Variants in COG5 observed in about 807,000 individuals in gnomAD.
COG5 encodes the protein conserved oligomeric Golgi complex subunit 5.
Under a neutral mutation model 110.4 loss-of-function variants are expected in COG5, and 86 were observed. The ratio of observed to expected loss-of-function variants is 0.78; its 90% CI spans 0.65 to 0.93. The LOEUF (loss-of-function observed/expected upper bound fraction) is 0.93, where lower values mean the gene tolerates loss of function less well. Ranked by LOEUF, COG5 falls within the 40% of genes least tolerant of loss-of-function variation. The probability of loss-of-function intolerance (pLI) is 0.00; values close to 1 mark genes in which losing one functional copy is unlikely to be tolerated. For missense variants in COG5, 1,077 were observed against 987.0 expected (o/e 1.09, Z -1.22); for synonymous variants, 360 against 334.6 (o/e 1.08, Z -0.83).
intron 21 of COG5, 24 bp downstream of exon 21, chr7:107,210,502 T>A: frequency 6.3e-7 from 1 of 1,577,750 alleles, no homozygotes; most frequent in South Asian, 1.2e-5. Flanking sequence ...ACCAGATGGG[T>A]GCCCCCAGAG....
At chr7:107,218,869 T>C (rs1799705049) in intron 19 of COG5, among the ~76,000 whole-genome samples, 1 of 151,964 alleles carries the variant, frequency 6.6e-6, no homozygotes. Flanking sequence ...CAAATGGGAT[T>C]ACATTAAAGT....
Position 107,271,648 on chromosome 7 carries a change from G to C in COG5, c.1575+9652C>G, listed in dbSNP as rs150950988. Among the ~76,000 whole-genome samples the C allele has an allele frequency of 1.6e-3, 245 of 152,096 alleles. 1 individual carries two copies. The highest frequency in any genetic ancestry group is 5.5e-3 in the African/African-American group (229 of 41,508). On this transcript the variant is annotated intron_variant, in intron 14 of 21. Coordinates refer to ENST00000297135, the MANE Select transcript of COG5 (RefSeq NM_006348.5). ...AATAGTTGGTTTTCAGTGATACCTT[G>C]TATACAATGATTTTACTAAAAATCA...
chr7:107,246,340 C>T (rs1802056049), intron 17 of COG5, among the ~76,000 whole-genome samples: 1 of 152,114 alleles, frequency 6.6e-6, no homozygotes, highest in Admixed American at 6.6e-5. Context: ...GAAGCAATCA[C>T]AATAAAAGGC....
intron 5 of COG5, among the ~76,000 whole-genome samples, chr7:107,538,312 T>C (rs1355654806): frequency 6.6e-6 from 1 of 152,176 alleles, no homozygotes; most frequent in African/African-American, 2.4e-5. Context: ...CTTAGGCAAA[T>C]AGCACACCTG....
intron 19 of COG5, among the ~76,000 whole-genome samples, chr7:107,221,169 T>A (rs1013887185): frequency 6.6e-6 from 1 of 151,982 alleles, no homozygotes; most frequent in Non-Finnish European, 1.5e-5. Flanking sequence ...CAGCAGTACA[T>A]TGGTCCTGTG....
intron 10 of COG5, among the ~76,000 whole-genome samples, chr7:107,360,688 G>A (rs766914154): frequency 5.3e-5 from 8 of 152,188 alleles, no homozygotes; most frequent in Non-Finnish European, 1.0e-4. Flanking sequence ...AGTCTCACAT[G>A]GAGCTAGCAC....
At chr7:107,253,210 A>C (rs1802648618) in intron 16 of COG5, 1 of 152,198 alleles carries the variant, frequency 6.6e-6, no homozygotes, top group South Asian at 2.1e-4. Flanking sequence ...ACTTAGGAAA[A>C]ATATGAAATA....
At chr7:107,512,980 G>C (rs1055837523) in intron 6 of COG5, among the ~76,000 whole-genome samples, 2 of 152,082 alleles carry the variant, frequency 1.3e-5, no homozygotes, top group African/African-American at 4.8e-5. Flanking sequence ...TCAGGATATA[G>C]GCATGGGCAA....
At chr7:107,493,249 G>A (rs889466145) in intron 6 of COG5, among the ~76,000 whole-genome samples, 3 of 152,100 alleles carry the variant, frequency 2.0e-5, no homozygotes, top group African/African-American at 7.2e-5. Flanking sequence ...CTTGCCTCCA[G>A]AACTGTGAGA....
At chr7:107,304,127 AT>A (rs1232930850) in intron 11 of COG5, among the ~76,000 whole-genome samples, 2 of 152,282 alleles carry the variant, frequency 1.3e-5, no homozygotes, top group Non-Finnish European at 2.9e-5. Context: ...TATGCCTTTG[AT>A]TTTATTCCCC....
intron 6 of COG5, among the ~76,000 whole-genome samples, chr7:107,512,928 T>G (rs1190548937): frequency 6.6e-6 from 1 of 151,964 alleles, no homozygotes; most frequent in Non-Finnish European, 1.5e-5. Context: ...ATGTTAGACC[T>G]AAAACCATAA....
At chr7:107,486,141 A>G (rs547528575) in intron 6 of COG5, among the ~76,000 whole-genome samples, 8 of 152,290 alleles carry the variant, frequency 5.3e-5, no homozygotes, top group Non-Finnish European at 8.8e-5. Flanking sequence ...AAAAAAAATT[A>G]TAATTTAATC....
intron 5 of COG5, among the ~76,000 whole-genome samples, chr7:107,531,747 C>A (rs1198275415): frequency 6.6e-6 from 1 of 150,818 alleles, no homozygotes; most frequent in Non-Finnish European, 1.5e-5. Context: ...GGCTCTTATC[C>A]TTATTGATGC....
chr7:107,209,623 A>G (rs1209714773), intron 21 of COG5: 2 of 166,680 alleles, frequency 1.2e-5, no homozygotes, highest in African/African-American at 4.8e-5. Context: ...AAGATAATTC[A>G]GCAAATGACA....
chr7:107,222,143 C>T (rs891048106), intron 19 of COG5, among the ~76,000 whole-genome samples: 17 of 152,074 alleles, frequency 1.1e-4, no homozygotes, highest in African/African-American at 3.6e-4. Flanking sequence ...CTGTCTAAGC[C>T]AGGCCTGGTA....
At chr7:107,555,567 T>C (rs561851748) in intron 2 of COG5, among the ~76,000 whole-genome samples, 1 of 152,356 alleles carries the variant, frequency 6.6e-6, no homozygotes, top group South Asian at 2.1e-4. Flanking sequence ...CATCAATATG[T>C]CCATCTTAAC....
At chr7:107,435,326 CAG>C (rs1200352708) in intron 6 of COG5, among the ~76,000 whole-genome samples, 3 of 151,996 alleles carry the variant, frequency 2.0e-5, no homozygotes, top group Non-Finnish European at 4.4e-5. Flanking sequence ...AAAAGAAAAA[CAG>C]AAGATAACAA....
intron 6 of COG5, among the ~76,000 whole-genome samples, chr7:107,449,470 T>G (rs914451301): frequency 2.0e-5 from 3 of 152,222 alleles, no homozygotes; most frequent in African/African-American, 7.2e-5. Context: ...AAATGTTAAG[T>G]GATGCTATCA....
chr7:107,244,391 A>T (rs776396531), intron 17 of COG5, among the ~76,000 whole-genome samples: 6 of 152,246 alleles, frequency 3.9e-5, no homozygotes, highest in Admixed American at 1.3e-4. Context: ...ATCTCAAATT[A>T]ACAACCTAAC....
Sources: gnomAD v4.1 joint callset for allele counts (sites outside exome capture counted in the v4.1 genomes callset) on GRCh38, gnomAD v4.1.1 for gene constraint, MANE v1.5 for transcripts, NCBI Gene and HGNC (gene_info 2026-07-23, HGNC 2026-07-21) for gene names.